Variants in GSG1L observed in about 807,000 individuals in gnomAD.
The protein encoded by GSG1L is germ cell-specific gene 1-like protein.
In GSG1L, 24 loss-of-function variants were observed where a neutral mutation model predicts 42.1. The ratio of observed to expected loss-of-function variants is 0.57; its 90% CI spans 0.41 to 0.80. The LOEUF is 0.80. Ranked by LOEUF, GSG1L falls within the 30% of genes least tolerant of loss-of-function variation. The probability of loss-of-function intolerance (pLI) is 0.00; values close to 1 mark genes in which losing one functional copy is unlikely to be tolerated. For missense variants in GSG1L, 445 were observed against 472.2 expected (o/e 0.94, Z 0.53); for synonymous variants, 215 against 203.5 (o/e 1.06, Z -0.48).
At chr16:27,965,655 C>A (rs552301672) in intron 1 of GSG1L, among the ~76,000 whole-genome samples, 69 of 152,326 alleles carry the variant, frequency 4.5e-4, no homozygotes, top group African/African-American at 1.7e-3. Flanking sequence ...GGCCAAAACC[C>A]TGCTGCCATC....
chr16:27,859,032 G>T (rs2083612190), intron 3 of GSG1L, among the ~76,000 whole-genome samples: 2 of 152,188 alleles, frequency 1.3e-5, no homozygotes, highest in Non-Finnish European at 2.9e-5. Flanking sequence ...CACAGTTTCA[G>T]ACCCAGGGCA....
chr16:27,857,042 G>C (rs1370184557), intron 3 of GSG1L, among the ~76,000 whole-genome samples: 1 of 152,170 alleles, frequency 6.6e-6, no homozygotes, highest in Non-Finnish European at 1.5e-5. Flanking sequence ...CAGAGGAAGG[G>C]GTTGGCTCAA....
At chr16:27,849,775 T>A (rs1465609985) in intron 3 of GSG1L, among the ~76,000 whole-genome samples, 1 of 151,942 alleles carries the variant, frequency 6.6e-6, no homozygotes, top group Non-Finnish European at 1.5e-5. Flanking sequence ...CCTCAAGTGA[T>A]CCTCCAGCCC....
intron 3 of GSG1L, among the ~76,000 whole-genome samples, chr16:27,848,307 G>T (rs1318567756): frequency 6.6e-6 from 1 of 152,164 alleles, no homozygotes; most frequent in Non-Finnish European, 1.5e-5. Context: ...CATTCAATAA[G>T]TGTTTACTGA....
rs936075361 is a variant in GSG1L, at chr16:28,028,750, C to T, written c.349+34326G>A. ...TTTTGAACAAAGAGAGAGCCAGCCT[C>T]AGGCTCGGGGCAGATCATACTATCT... On this transcript the variant is annotated intron_variant, in intron 1 of 6. Coordinates refer to ENST00000447459, the MANE Select transcript of GSG1L (RefSeq NM_001109763.2). Among the ~76,000 whole-genome samples, 4 of 152,300 alleles carry T rather than the reference C, an allele frequency of 2.6e-5. No homozygotes were observed. In the East Asian group the frequency reaches 7.7e-4, roughly 29 times the overall value.
chr16:27,788,599 A>C lies in GSG1L; in HGVS notation c.*2771T>G, dbSNP rs369881256. The C allele has an allele frequency of 6.6e-6, 1 of 152,140 alleles. No individual in the cohort carries two copies. Among genetic ancestry groups the C allele is most frequent in the African/African-American group, 2.4e-5 (1 of 41,426 alleles). The allele number at this position is 152,140 out of a possible 1,614,324, so 9.4% of individuals were successfully genotyped here. On this transcript the variant is annotated 3_prime_UTR_variant, in exon 7 of 7. Transcript: ENST00000447459. The stretch of plus-strand genomic sequence containing the variant: ...CTCTAATGTACTTTCTTTCCCTGCT[A>C]TACTCTTGCCTGGCTGATGCCCAGA...
At chr16:27,981,299 T>C (rs532872690) in intron 1 of GSG1L, among the ~76,000 whole-genome samples, 1 of 152,328 alleles carries the variant, frequency 6.6e-6, no homozygotes, top group South Asian at 2.1e-4. Context: ...TGCTTTCAAC[T>C]TGCTGGGCGG....
intron 1 of GSG1L, among the ~76,000 whole-genome samples, chr16:27,965,843 A>G (rs2085126108): frequency 6.6e-6 from 1 of 152,012 alleles, no homozygotes; most frequent in Non-Finnish European, 1.5e-5. Flanking sequence ...ATAACCTAAA[A>G]CAGATTATGT....
chr16:27,911,816 C>A (rs1178275293), intron 2 of GSG1L, among the ~76,000 whole-genome samples: 1 of 152,174 alleles, frequency 6.6e-6, no homozygotes, highest in Non-Finnish European at 1.5e-5. Flanking sequence ...TCTTCACAGC[C>A]TCAGCCCCGC....
intron 2 of GSG1L, among the ~76,000 whole-genome samples, chr16:27,959,832 A>G (rs2085049498): frequency 1.3e-5 from 2 of 152,198 alleles, no homozygotes; most frequent in Non-Finnish European, 2.9e-5. Flanking sequence ...GGGAGCAAGA[A>G]TGAAAGGAGG....
intron 4 of GSG1L, among the ~76,000 whole-genome samples, chr16:27,843,914 C>T (rs1350396269): frequency 1.3e-5 from 2 of 152,134 alleles, no homozygotes; most frequent in Non-Finnish European, 2.9e-5. Context: ...AACAAGAGGC[C>T]CTTTCTCTCC....
At chr16:27,825,375 A>G (rs1416815450) in intron 5 of GSG1L, among the ~76,000 whole-genome samples, 1 of 152,210 alleles carries the variant, frequency 6.6e-6, no homozygotes, top group Non-Finnish European at 1.5e-5. Flanking sequence ...GGTGCTATGA[A>G]AAAATAGAAA....
intron 3 of GSG1L, chr16:27,850,634 T>C: frequency 2.2e-6 from 1 of 454,080 alleles, no homozygotes; most frequent in Non-Finnish European, 4.4e-6. Context: ...CTGCAAGAGG[T>C]TTAGAAGAGG....
At position 27,912,339 on chromosome 16, in the gene GSG1L, C is replaced by T. The variant is rs563187504; in HGVS notation, c.398-27701G>A. 2.0e-5 allele frequency among the ~76,000 whole-genome samples: 3 copies of T among 152,190 alleles called. No homozygotes were observed. The East Asian group carries it at 5.8e-4, about 29-fold the overall frequency. On this transcript the variant is annotated intron_variant, in intron 2 of 6. Transcript: ENST00000447459. ...GACCAACCTGGGCAACATAGTGAGA[C>T]CTGGTCTCTACTAAAAACATTCTTT... is the stretch of plus-strand genomic sequence containing the variant.
intron 1 of GSG1L, among the ~76,000 whole-genome samples, chr16:28,021,907 G>A (rs2085848255): frequency 6.6e-6 from 1 of 152,300 alleles, no homozygotes; most frequent in South Asian, 2.1e-4. Flanking sequence ...GGCTACTTGA[G>A]CATCCTCACA....
At chr16:27,971,216 C>A (rs2085189628) in intron 1 of GSG1L, among the ~76,000 whole-genome samples, 2 of 152,282 alleles carry the variant, frequency 1.3e-5, no homozygotes, top group African/African-American at 4.8e-5. Context: ...TGCACTGAAT[C>A]TGTAATGGGA....
chr16:27,879,355 A>C (rs1389271008), intron 3 of GSG1L, among the ~76,000 whole-genome samples: 2 of 152,248 alleles, frequency 1.3e-5, no homozygotes, highest in Non-Finnish European at 2.9e-5. Flanking sequence ...CTGTAATCTC[A>C]GCACTTTGGG....
chr16:28,006,683 G>A (rs2085643240), intron 1 of GSG1L, among the ~76,000 whole-genome samples: 1 of 152,130 alleles, frequency 6.6e-6, no homozygotes, highest in Non-Finnish European at 1.5e-5. Context: ...ATACATGTAT[G>A]CTGTTTTAAG....
intron 2 of GSG1L, among the ~76,000 whole-genome samples, chr16:27,938,989 C>T (rs145932866): frequency 6.6e-6 from 1 of 152,342 alleles, no homozygotes; most frequent in African/African-American, 2.4e-5. Context: ...ATGGATGCTT[C>T]ATTGCTGTGC....
Sources: allele counts gnomAD v4.1 joint callset (sites outside exome capture counted in the v4.1 genomes callset), GRCh38; gene constraint gnomAD v4.1.1; transcripts MANE v1.5; gene names NCBI Gene and HGNC (gene_info 2026-07-23, HGNC 2026-07-21).